SNX13: variants seen among roughly 807,000 people sequenced by gnomAD.
SNX13 encodes sorting nexin-13.
In SNX13, 45 loss-of-function variants were observed where a neutral mutation model predicts 133.6. The observed-to-expected ratio is 0.34, with a 90% CI of 0.27 to 0.43. The LOEUF is 0.43. Among genes scored for constraint, SNX13 ranks in the 20% least tolerant of loss-of-function variants. The pLI is 1.00. For missense variants in SNX13, 1,032 were observed against 1,145.1 expected (o/e 0.90, Z 1.43); for synonymous variants, 414 against 373.9 (o/e 1.11, Z -1.24).
chr7:17,909,070 T>C (rs1798676331), intron 1 of SNX13, among the ~76,000 whole-genome samples: 1 of 151,926 alleles, frequency 6.6e-6, no homozygotes, highest in African/African-American at 2.4e-5. Flanking sequence ...GAAGAGACAC[T>C]TTGCAAAAGA....
At chr7:17,874,078 A>T (rs1333146455) in intron 7 of SNX13, among the ~76,000 whole-genome samples, 1 of 152,186 alleles carries the variant, frequency 6.6e-6, no homozygotes, top group Non-Finnish European at 1.5e-5. Flanking sequence ...GATTTAAGAG[A>T]GCTCAACTTA....
At chr7:17,938,736 T>C (rs748262623) in intron 1 of SNX13, among the ~76,000 whole-genome samples, 20 of 152,222 alleles carry the variant, frequency 1.3e-4, no homozygotes, top group Non-Finnish European at 2.8e-4. Flanking sequence ...CATTTGAAAG[T>C]ATTAAAACTC....
chr7:17,843,937 T>C lies in SNX13; in HGVS notation c.1165+1658A>G, dbSNP rs143653697. 4.2e-4 allele frequency among the ~76,000 whole-genome samples: 64 copies of C among 152,036 alleles called. No individual in the cohort carries two copies. The East Asian group carries it at 0.012, about 28-fold the overall frequency. On this transcript the variant is annotated intron_variant, in intron 12 of 25. Transcript: ENST00000428135. ...TTAAAACAAACATAACACACCAAAC[T>C]AATGGGACACAGCAAAAAGGAAAAT...
chr7:17,801,690 C>T, intron 21 of SNX13, 31 bp from the exon 22 acceptor site: 2 of 1,500,584 alleles, frequency 1.3e-6, no homozygotes, highest in South Asian at 1.2e-5. Context: ...ACAAAGTAAA[C>T]ACACTAAAGC....
chr7:17,852,012 G>C (rs1399555739), intron 9 of SNX13, among the ~76,000 whole-genome samples: 1 of 152,110 alleles, frequency 6.6e-6, no homozygotes, highest in African/African-American at 2.4e-5. Flanking sequence ...AAAAGACTGA[G>C]AAAGGCCAAA....
intron 11 of SNX13, among the ~76,000 whole-genome samples, chr7:17,847,715 A>C (rs1469167935): frequency 6.6e-6 from 1 of 152,122 alleles, no homozygotes; most frequent in African/African-American, 2.4e-5. Context: ...TACTGTTTCT[A>C]ATTTACCTCT....
At chr7:17,837,745 T>C (rs1789317360) in intron 13 of SNX13, among the ~76,000 whole-genome samples, 1 of 152,018 alleles carries the variant, frequency 6.6e-6, no homozygotes, top group South Asian at 2.1e-4. Context: ...GATAAACTTG[T>C]CAAACTGAAG....
intron 13 of SNX13, 22 bp downstream of exon 13, chr7:17,839,785 A>T (rs1789650143): frequency 1.3e-6 from 2 of 1,556,362 alleles, no homozygotes; most frequent in Admixed American, 4.0e-5. Flanking sequence ...AGAAGAAAAC[A>T]GTAATCAAAA....
At chr7:17,820,497 ATTAAT>A (rs150539386) in intron 18 of SNX13, among the ~76,000 whole-genome samples, 3 of 152,250 alleles carry the variant, frequency 2.0e-5, no homozygotes, top group African/African-American at 4.8e-5. Flanking sequence ...GTCCAAAGTT[ATTAAT>A]TTAATTTTCT....
intron 9 of SNX13, among the ~76,000 whole-genome samples, chr7:17,858,713 A>C (rs993537691): frequency 1.3e-5 from 2 of 152,138 alleles, no homozygotes; most frequent in African/African-American, 4.8e-5. Flanking sequence ...GTCCCATTTC[A>C]ATATTACGAT....
chr7:17,923,550 G>C (rs562089457), intron 1 of SNX13, among the ~76,000 whole-genome samples: 1 of 152,086 alleles, frequency 6.6e-6, no homozygotes, highest in Non-Finnish European at 1.5e-5. Context: ...CTAAAAGAAC[G>C]GGTCAGCCCA....
chr7:17,876,920 G>T (rs570698309), intron 5 of SNX13, among the ~76,000 whole-genome samples: 1 of 151,412 alleles, frequency 6.6e-6, no homozygotes, highest in East Asian at 1.9e-4. Context: ...AAAACGAAGA[G>T]TCTATTCATG....
At chr7:17,810,366 T>C (rs904471782) in intron 20 of SNX13, among the ~76,000 whole-genome samples, 14 of 151,996 alleles carry the variant, frequency 9.2e-5, no homozygotes, top group Non-Finnish European at 1.3e-4. Context: ...CTAGGAAATC[T>C]AGAAGAAACA....
intron 9 of SNX13, among the ~76,000 whole-genome samples, chr7:17,859,385 C>A (rs929283666): frequency 6.6e-6 from 1 of 151,924 alleles, no homozygotes; most frequent in Non-Finnish European, 1.5e-5. Context: ...TTCACACATA[C>A]TAGAGAAGTT....
intron 15 of SNX13, chr7:17,831,933 T>C: frequency 1.0e-6 from 1 of 984,300 alleles, no homozygotes; most frequent in Non-Finnish European, 1.2e-6. Flanking sequence ...TAAATAGTAA[T>C]GTTTCATATT....
intron 24 of SNX13, 133 bp from the exon 25 acceptor site, chr7:17,797,072 G>GCTA: frequency 3.0e-6 from 2 of 673,764 alleles, no homozygotes; most frequent in South Asian, 3.9e-5. Flanking sequence ...ATAACATATA[G>GCTA]CTATAATGAT....
chr7:17,805,211 TTGTGTG>T (rs55946438), intron 20 of SNX13, among the ~76,000 whole-genome samples: 95 of 118,518 alleles, frequency 8.0e-4, no homozygotes, highest in African/African-American at 8.7e-4. Flanking sequence ...TAATGATTCT[TTGTGTG>T]TGTGTGTGTG....
intron 3 of SNX13, among the ~76,000 whole-genome samples, chr7:17,892,149 T>G (rs1014434326): frequency 1.3e-5 from 2 of 151,670 alleles, no homozygotes; most frequent in South Asian, 2.1e-4. Context: ...TAGTGGGAGA[T>G]TCTTAAAAAA....
intron 8 of SNX13, among the ~76,000 whole-genome samples, chr7:17,869,180 T>C (rs1196344603): frequency 6.6e-6 from 1 of 152,130 alleles, no homozygotes; most frequent in Non-Finnish European, 1.5e-5. Context: ...ATGCCCTGTA[T>C]CTACAGCATT....
Sources: allele counts gnomAD v4.1 joint callset (sites outside exome capture counted in the v4.1 genomes callset), GRCh38; gene constraint gnomAD v4.1.1; transcripts MANE v1.5; gene names NCBI Gene and HGNC (gene_info 2026-07-23, HGNC 2026-07-21).